Variants in LRRK2 observed in about 807,000 individuals in gnomAD.
LRRK2 encodes leucine rich repeat kinase 2.
In LRRK2, 203 loss-of-function variants were observed where a neutral mutation model predicts 302.6. The ratio of observed to expected loss-of-function variants is 0.67; its 90% CI spans 0.60 to 0.75. The LOEUF (loss-of-function observed/expected upper bound fraction) is 0.75. LRRK2 is among the 30% of genes least tolerant of loss of function. The pLI, the probability that LRRK2 is intolerant of heterozygous loss-of-function variation, is 0.00. For synonymous variants in LRRK2, 1,066 were observed against 1,031.9 expected (o/e 1.03, Z -0.63); for missense variants, 2,830 against 2,951.0 (o/e 0.96, Z 0.95).
intron 28 of LRRK2, 21 bp from the exon 29 acceptor site, chr12:40,308,446 T>G: frequency 6.3e-7 from 1 of 1,588,138 alleles, no homozygotes; most frequent in Non-Finnish European, 8.6e-7. Context: ...TATTATTTTA[T>G]TTTTATCTTT....
At chr12:40,273,214 T>A (rs1190989723) in intron 14 of LRRK2, among the ~76,000 whole-genome samples, 1 of 152,208 alleles carries the variant, frequency 6.6e-6, no homozygotes, top group African/African-American at 2.4e-5. Flanking sequence ...TTCTTAGCAG[T>A]CATTGTCTAA....
At position 40,243,477 on chromosome 12, in the gene LRRK2, A is replaced by G. The variant is rs959057365; in HGVS notation, c.707-73A>G. 6 of 1,532,772 alleles carry G rather than the reference A, an allele frequency of 3.9e-6. No individual in the cohort carries two copies. In the Middle Eastern group the frequency reaches 6.9e-4, roughly 176 times the overall value. 94.9% of individuals were successfully genotyped at this position (1,532,772 alleles called of 1,614,324 possible). On this transcript the variant is annotated intron_variant, in intron 6 of 50. Coordinates refer to ENST00000298910, the MANE Select transcript of LRRK2 (RefSeq NM_198578.4). The stretch of plus-strand genomic sequence containing the variant: ...CTGCCATCTATTTACAGTCTATATA[A>G]GACGTCTTTGTATGCATATTTGAAA...
chr12:40,244,567 G>T (rs1941886432), intron 7 of LRRK2, among the ~76,000 whole-genome samples: 1 of 151,816 alleles, frequency 6.6e-6, no homozygotes, highest in African/African-American at 2.4e-5. Flanking sequence ...TTTGCCATTG[G>T]TATGTCCTTC....
At chr12:40,261,737 A>G (rs1199809664) in intron 13 of LRRK2, among the ~76,000 whole-genome samples, 1 of 152,130 alleles carries the variant, frequency 6.6e-6, no homozygotes, top group Non-Finnish European at 1.5e-5. Context: ...TTCTTATGAG[A>G]TACCTAGGTG....
chr12:40,286,754 A>C (rs993084777), intron 19 of LRRK2: 10 of 154,592 alleles, frequency 6.5e-5, no homozygotes, highest in African/African-American at 2.2e-4. Context: ...GACTCAGCCA[A>C]CTTATTCTTC....
chr12:40,354,436 A>G lies in LRRK2; in HGVS notation c.6714A>G (p.Leu2238=), dbSNP rs202244108. ...NTEDGKKRHT[L]EKMTDSVTCL... is the part of the protein sequence containing the mutation. ...AAGATGGGAAAAAGAGACATACCCT[A>G]GAAAAGATGACTGATTCTGTCACTT... is the stretch of plus-strand genomic sequence containing the variant. The change falls in exon 45 of 51, where the codon CTA becomes CTG. Residue 2238 remains leucine, a synonymous_variant. Coordinates refer to ENST00000298910, the MANE Select transcript of LRRK2 (RefSeq NM_198578.4). 2 of 1,614,040 alleles carry G rather than the reference A, an allele frequency of 1.2e-6. No individual in the cohort carries two copies. The highest frequency in any genetic ancestry group is 1.7e-5 in the Admixed American group (1 of 60,012).
At chr12:40,324,446 T>G (rs1945488363) in intron 38 of LRRK2, among the ~76,000 whole-genome samples, 1 of 152,196 alleles carries the variant, frequency 6.6e-6, no homozygotes, top group Non-Finnish European at 1.5e-5. Context: ...ATACTCAAGT[T>G]TTAAACATTC....
In LRRK2 at chr12:40,321,074, G is replaced by A; in HGVS notation, c.5056G>A (p.Glu1686Lys). Residue 1686 changes from glutamate (E) to lysine (K), a missense_variant, in exon 35 of 51, where the codon GAG becomes AAG. Glu to Lys is a moderately conservative substitution (Grantham distance 56, BLOSUM62 1). Transcript: ENST00000298910. ...GCCTGTGATAGAGCTTCCCCATTGT[G>A]AGAACTCTGAAATTATCATCCGACT... ...HRPVIELPHC[E>K]NSEIIIRLYE... The A allele has an allele frequency of 6.2e-7, 1 of 1,612,850 alleles. No homozygotes were observed. The highest frequency in any genetic ancestry group is 8.5e-7 in the Non-Finnish European group (1 of 1,179,064).
At chr12:40,363,582 C>T (rs1455143604) in intron 48 of LRRK2, 28 bp downstream of exon 48, 2 of 1,605,332 alleles carry the variant, frequency 1.2e-6, no homozygotes, top group Non-Finnish European at 8.5e-7. Flanking sequence ...TAATTTTATT[C>T]CCAAAAGAAT....
intron 30 of LRRK2, among the ~76,000 whole-genome samples, chr12:40,309,832 CT>C (rs1477482452): frequency 6.6e-6 from 1 of 152,160 alleles, no homozygotes; most frequent in Non-Finnish European, 1.5e-5. Context: ...CCTTAAAAAG[CT>C]TGTGTCAGGA....
intron 7 of LRRK2, among the ~76,000 whole-genome samples, chr12:40,245,541 T>C (rs932585399): frequency 1.3e-5 from 2 of 152,158 alleles, no homozygotes; most frequent in African/African-American, 4.8e-5. Context: ...GGGCCTTTAC[T>C]ATTCCATGCA....
intron 14 of LRRK2, among the ~76,000 whole-genome samples, chr12:40,269,252 A>G (rs1474690605): frequency 6.6e-6 from 1 of 152,222 alleles, no homozygotes; most frequent in Non-Finnish European, 1.5e-5. Context: ...TGTGGCAACA[A>G]ACTAAATGCT....
intron 44 of LRRK2, among the ~76,000 whole-genome samples, chr12:40,352,798 C>T (rs962381727): frequency 5.1e-4 from 77 of 151,942 alleles, no homozygotes; most frequent in Non-Finnish European, 9.4e-4. Context: ...AGATCAACAG[C>T]ATCCCAAGGC....
chr12:40,330,810 C>T (rs927397313), intron 39 of LRRK2, among the ~76,000 whole-genome samples: 4 of 152,068 alleles, frequency 2.6e-5, no homozygotes, highest in African/African-American at 4.8e-5. Flanking sequence ...TGTTTGAGTT[C>T]CCTCTTCAAG....
intron 2 of LRRK2, among the ~76,000 whole-genome samples, chr12:40,228,716 A>C (rs139549606): frequency 6.6e-6 from 1 of 152,056 alleles, no homozygotes; most frequent in African/African-American, 2.4e-5. Context: ...TTCTTCTAGT[A>C]GTTGCATATT....
At chr12:40,354,187 A>G in intron 44 of LRRK2, 112 bp from the exon 45 acceptor site, 1 of 884,788 alleles carries the variant, frequency 1.1e-6, no homozygotes. Flanking sequence ...TTTAAAAGTA[A>G]TGCAAGAAAG....
chr12:40,346,415 G>C (rs1387500812), intron 41 of LRRK2, among the ~76,000 whole-genome samples: 1 of 152,084 alleles, frequency 6.6e-6, no homozygotes, highest in East Asian at 1.9e-4. Context: ...GGTTTTCCTA[G>C]TACACTTTAT....
At chr12:40,302,708 T>C in intron 25 of LRRK2, 81 bp from the exon 26 acceptor site, 2 of 959,268 alleles carry the variant, frequency 2.1e-6, no homozygotes, top group East Asian at 2.4e-5. Flanking sequence ...TGACACACTA[T>C]TGGTAGCTGT....
At chr12:40,344,858 C>T (rs1024852652) in intron 41 of LRRK2, among the ~76,000 whole-genome samples, 1 of 151,936 alleles carries the variant, frequency 6.6e-6, no homozygotes, top group Non-Finnish European at 1.5e-5. Flanking sequence ...TGCTAATTCA[C>T]ATGATAATTA....
Sources: gnomAD v4.1 joint callset for allele counts (sites outside exome capture counted in the v4.1 genomes callset) on GRCh38, gnomAD v4.1.1 for gene constraint, MANE v1.5 for transcripts, NCBI Gene and HGNC (gene_info 2026-07-23, HGNC 2026-07-21) for gene names.